ZFYVE9: variants seen among roughly 807,000 people sequenced by gnomAD.
The protein encoded by ZFYVE9 is zinc finger FYVE-type containing 9, also known as zinc finger FYVE domain-containing protein 9.
In ZFYVE9, 43 loss-of-function variants were observed where a neutral mutation model predicts 126.7. That is an observed-to-expected ratio of 0.34 (90% CI 0.27 to 0.44). The LOEUF is 0.44. Ranked by LOEUF, ZFYVE9 falls within the 20% of genes least tolerant of loss-of-function variation. The probability of loss-of-function intolerance (pLI) is 1.00; values close to 1 mark genes in which losing one functional copy is unlikely to be tolerated. For missense variants in ZFYVE9, 1,476 were observed against 1,697.0 expected (o/e 0.87, Z 2.29); for synonymous variants, 521 against 597.4 (o/e 0.87, Z 1.87).
Position 52,238,093 on chromosome 1 carries a change from G to A in ZFYVE9, c.676G>A (p.Val226Ile), listed in dbSNP as rs773422957. 6.2e-7 allele frequency: 1 copy of A among 1,614,050 alleles called. No individual in the cohort carries two copies. Among genetic ancestry groups the A allele is most frequent in the Non-Finnish European group, 8.5e-7 (1 of 1,179,942 alleles). The change falls in exon 4 of 19, where the codon GTT becomes ATT. Residue 226 changes from valine (V) to isoleucine (I), a missense_variant. Transcript: ENST00000287727. ...TAGACCGAAAACAGAGGGGAGATCT[G>A]TTAACCATCTGTGTCCTACTTCATC... ...LNRPKTEGRS[V>I]NHLCPTSSDS...
intron 1 of ZFYVE9, among the ~76,000 whole-genome samples, chr1:52,199,299 G>A (rs1172202025): frequency 5.3e-5 from 8 of 152,196 alleles, no homozygotes; most frequent in South Asian, 2.1e-4. Context: ...TCCTGACCTC[G>A]TGATCCACCC....
At position 52,184,882 on chromosome 1, in the gene ZFYVE9, C is replaced by T. The variant is rs186674230; in HGVS notation, c.-142-31487C>T. Among the ~76,000 whole-genome samples the T allele has an allele frequency of 4.0e-4, 61 of 152,100 alleles. No individual in the cohort carries two copies. In the East Asian group the frequency reaches 8.9e-3, roughly 22 times the overall value. The stretch of plus-strand genomic sequence containing the variant: ...TCAAAAACAAAACAAAGACTGGGCA[C>T]GGTGGCTCATGCCTGTAATCCCAGC... On this transcript the variant is annotated intron_variant, in intron 1 of 18. Coordinates refer to ENST00000287727, the MANE Select transcript of ZFYVE9 (RefSeq NM_004799.4).
intron 10 of ZFYVE9, among the ~76,000 whole-genome samples, chr1:52,290,031 T>A (rs565052484): frequency 6.6e-6 from 1 of 152,334 alleles, no homozygotes; most frequent in African/African-American, 2.4e-5. Flanking sequence ...GGACAGTCTT[T>A]GTGAAATATA....
Position 52,164,606 on chromosome 1 carries a change from G to A in ZFYVE9, c.-143+22203G>A, listed in dbSNP as rs115210975. On this transcript the variant is annotated intron_variant, in intron 1 of 18. Coordinates refer to ENST00000287727, the MANE Select transcript of ZFYVE9 (RefSeq NM_004799.4). ...TATATATCTTTATACATCTGTCTGC[G>A]CCCAGCTGACAATGAGTATATATCT... is the stretch of plus-strand genomic sequence containing the variant. 1.0e-3 allele frequency among the ~76,000 whole-genome samples: 159 copies of A among 151,996 alleles called. 2 individuals carry two copies. Among genetic ancestry groups the A allele is most frequent in the African/African-American group, 3.6e-3 (148 of 41,422 alleles).
At chr1:52,176,792 G>A (rs1286059480) in intron 1 of ZFYVE9, among the ~76,000 whole-genome samples, 4 of 152,188 alleles carry the variant, frequency 2.6e-5, no homozygotes, top group Non-Finnish European at 4.4e-5. Context: ...AGGACCCTCC[G>A]AGCCAGGTGT....
In ZFYVE9 at chr1:52,263,761, C is replaced by CA. The variant is rs766828498; in HGVS notation, c.2179-12_2179-11insA. On this transcript the variant is annotated splice_polypyrimidine_tract_variant and intron_variant, in intron 4 of 18. Coordinates refer to ENST00000287727, the MANE Select transcript of ZFYVE9 (RefSeq NM_004799.4). Reference sequence around the variant, plus strand: ...TAAATTTTGTGTGTTCTTCCCCCCCCCCCCCCCACAGGTTTTCTGTGCTTC... The same window carrying CA: ...TAAATTTTGTGTGTTCTTCCCCCCCCACCCCCCCACAGGTTTTCTGTGCTTC... 7.1e-6 allele frequency: 6 copies of CA among 839,336 alleles called. No individual in the cohort carries two copies. The highest frequency in any genetic ancestry group is 4.9e-4 in the Middle Eastern group (2 of 4,076). 52.0% of individuals were successfully genotyped at this position (839,336 alleles called of 1,614,324 possible).
chr1:52,178,891 G>C (rs1351546109), intron 1 of ZFYVE9, among the ~76,000 whole-genome samples: 1 of 151,850 alleles, frequency 6.6e-6, no homozygotes, highest in Non-Finnish European at 1.5e-5. Flanking sequence ...TTGGAGCCTC[G>C]ACCTCTTGGC....
chr1:52,144,689 A>G (rs1051853713), intron 1 of ZFYVE9, among the ~76,000 whole-genome samples: 1 of 151,060 alleles, frequency 6.6e-6, no homozygotes, highest in Non-Finnish European at 1.5e-5. Context: ...TTTTCGTAGT[A>G]AATAATCTTA....
chr1:52,176,718 C>T (rs56272123), intron 1 of ZFYVE9, among the ~76,000 whole-genome samples: 23 of 152,316 alleles, frequency 1.5e-4, no homozygotes, highest in Middle Eastern at 3.4e-3. Flanking sequence ...CCCCCAGCCT[C>T]GCTGCCGCCT....
chr1:52,252,042 A>C (rs1468556944), intron 4 of ZFYVE9: 1 of 164,372 alleles, frequency 6.1e-6, no homozygotes, highest in African/African-American at 2.4e-5. Context: ...ATATGAACTT[A>C]AAATTCATAC....
rs1424208837 is a variant in ZFYVE9, at chr1:52,268,455, C to T, written c.2456-8C>T. 7 of 1,606,602 alleles carry T rather than the reference C, an allele frequency of 4.4e-6. No homozygotes were observed. The South Asian group carries it at 5.5e-5, about 13-fold the overall frequency. ...TTGATGCCTGTTTTATTTTTCTGGC[C>T]CCTCAAGTGGCTCAGCCCAGAGAGC... is the stretch of plus-strand genomic sequence containing the variant. On this transcript the variant is annotated splice_region_variant and splice_polypyrimidine_tract_variant and intron_variant, in intron 6 of 18. Coordinates refer to ENST00000287727, the MANE Select transcript of ZFYVE9 (RefSeq NM_004799.4).
chr1:52,232,727 T>C (rs1319634714), intron 2 of ZFYVE9, among the ~76,000 whole-genome samples: 1 of 45,028 alleles, frequency 2.2e-5, no homozygotes, highest in Non-Finnish European at 3.3e-5. Context: ...AGACTCTGTC[T>C]CAAAAAAAAA....
chr1:52,161,214 AT>A (rs1358918012), intron 1 of ZFYVE9, among the ~76,000 whole-genome samples: 1 of 152,216 alleles, frequency 6.6e-6, no homozygotes, highest in East Asian at 1.9e-4. Context: ...TCCTTCACTG[AT>A]TAAGGGAATA....
At chr1:52,263,962 C>T (rs2147797852) in intron 5 of ZFYVE9, 90 bp downstream of exon 5, 1 of 707,738 alleles carries the variant, frequency 1.4e-6, no homozygotes, top group South Asian at 2.6e-5. Context: ...CCTTTCTTTA[C>T]AAGTTGCTCA....
rs1249692384 is a variant in ZFYVE9, at chr1:52,237,900, A to G, written c.483A>G (p.Thr161=). The change falls in exon 4 of 19, where the codon ACA becomes ACG. Residue 161 remains threonine, a synonymous_variant. Transcript: ENST00000287727. ...TCATGCATAACTGTGATAAAAGGAC[A>G]TTACAAAACGATTTACAGGATTGTA... ...VAVMHNCDKR[T]LQNDLQDCNN... is the part of the protein sequence containing the mutation. 2 of 1,614,042 alleles carry G rather than the reference A, an allele frequency of 1.2e-6. No individual in the cohort carries two copies. The highest frequency in any genetic ancestry group is 2.2e-5 in the South Asian group (2 of 91,066).
chr1:52,211,338 G>A (rs574136363), intron 1 of ZFYVE9, among the ~76,000 whole-genome samples: 2 of 152,052 alleles, frequency 1.3e-5, no homozygotes, highest in Non-Finnish European at 2.9e-5. Flanking sequence ...CAGGTGCTAC[G>A]TCACAATCAC....
chr1:52,276,430 A>G (rs1438205687), intron 8 of ZFYVE9, among the ~76,000 whole-genome samples: 1 of 152,216 alleles, frequency 6.6e-6, no homozygotes, highest in Non-Finnish European at 1.5e-5. Flanking sequence ...GTACCGTTCC[A>G]TTCTAGCTGT....
intron 1 of ZFYVE9, among the ~76,000 whole-genome samples, chr1:52,201,024 T>A (rs1294006031): frequency 1.3e-5 from 2 of 152,212 alleles, no homozygotes; most frequent in African/African-American, 4.8e-5. Context: ...ATAAAATAAC[T>A]TTCTGGGATT....
chr1:52,175,112 C>T (rs1439487537), intron 1 of ZFYVE9, among the ~76,000 whole-genome samples: 4 of 152,098 alleles, frequency 2.6e-5, no homozygotes, highest in African/African-American at 7.2e-5. Flanking sequence ...ATGGTCTTTA[C>T]ATTTTGGCAT....
Sources: allele counts gnomAD v4.1 joint callset (sites outside exome capture counted in the v4.1 genomes callset), GRCh38; gene constraint gnomAD v4.1.1; transcripts MANE v1.5; gene names NCBI Gene and HGNC (gene_info 2026-07-23, HGNC 2026-07-21).